Variants in SCARA3 observed in about 807,000 individuals in gnomAD.
SCARA3 encodes the protein cellular stress response gene protein.
Under a neutral mutation model 47.0 loss-of-function variants are expected in SCARA3, and 39 were observed. The observed-to-expected ratio is 0.83, with a 90% confidence interval of 0.64 to 1.08. The LOEUF (loss-of-function observed/expected upper bound fraction) is 1.08, where lower values mean the gene tolerates loss of function less well. Among genes scored for constraint, SCARA3 ranks in the 50% least tolerant of loss-of-function variants. SCARA3 has a pLI of 0.00. For missense variants in SCARA3, 724 were observed against 792.3 expected (o/e 0.91, Z 1.04); for synonymous variants, 356 against 334.1 (o/e 1.07, Z -0.71).
chr8:27,673,787 G>GT (rs1802219055), downstream of SCARA3, among the ~76,000 whole-genome samples: 1 of 152,304 alleles, frequency 6.6e-6, no homozygotes, highest in South Asian at 2.1e-4. Context: ...CTGGGCCACA[G>GT]TGGGTGTGCT....
the SCARA3 span, among the ~76,000 whole-genome samples, chr8:27,705,214 G>A: frequency 6.6e-6 from 1 of 152,202 alleles, no homozygotes; most frequent in Non-Finnish European, 1.5e-5. Context: ...AGGAGAAAGA[G>A]GGGCAGGTCG....
At chr8:27,661,952 A>G (rs1445517761) in intron 5 of SCARA3, among the ~76,000 whole-genome samples, 1 of 152,162 alleles carries the variant, frequency 6.6e-6, no homozygotes, top group African/African-American at 2.4e-5. Flanking sequence ...TCCCCTTGGC[A>G]GTCAGGATCA....
chr8:27,638,028 G>A (rs1207414663), intron 1 of SCARA3, among the ~76,000 whole-genome samples: 2 of 152,202 alleles, frequency 1.3e-5, no homozygotes, highest in South Asian at 2.1e-4. Flanking sequence ...GTTGGAGTTC[G>A]GCTCCAAATC....
downstream of SCARA3, among the ~76,000 whole-genome samples, chr8:27,674,523 G>T (rs947780198): frequency 1.3e-5 from 2 of 152,080 alleles, no homozygotes; most frequent in African/African-American, 2.4e-5. Flanking sequence ...CTAACCAAGT[G>T]CTCCTTCTCC....
At chr8:27,666,716 T>C (rs1802022203) in intron 5 of SCARA3, among the ~76,000 whole-genome samples, 1 of 152,180 alleles carries the variant, frequency 6.6e-6, no homozygotes, top group Admixed American at 6.5e-5. Flanking sequence ...GCCAGTTGCC[T>C]TTGACCATAA....
At chr8:27,656,322 G>A (rs748504086) in intron 3 of SCARA3, among the ~76,000 whole-genome samples, 3 of 152,052 alleles carry the variant, frequency 2.0e-5, no homozygotes, top group Non-Finnish European at 4.4e-5. Flanking sequence ...CATATTTAGG[G>A]TTCCATACAC....
chr8:27,660,842 CTAGATAGATAGATAGATAGA>C (rs113873031), intron 5 of SCARA3, among the ~76,000 whole-genome samples: 1 of 113,770 alleles, frequency 8.8e-6, no homozygotes, highest in Non-Finnish European at 2.0e-5. Flanking sequence ...AGCTAGCTAG[CTAGATAGATAGATAGATAGA>C]TAGATAGATA....
intron 3 of SCARA3, among the ~76,000 whole-genome samples, chr8:27,656,186 A>G (rs769025839): frequency 3.9e-5 from 6 of 152,254 alleles, no homozygotes; most frequent in African/African-American, 2.4e-5. Context: ...CCATATTTAC[A>G]TAACTTTTAT....
intron 1 of SCARA3, among the ~76,000 whole-genome samples, chr8:27,643,695 C>T (rs561977568): frequency 9.0e-4 from 137 of 152,226 alleles, no homozygotes; most frequent in African/African-American, 2.9e-3. Flanking sequence ...TTATTTTTAC[C>T]GATCCAATTG....
chr8:27,673,283 T>C (rs1802209799), downstream of SCARA3, among the ~76,000 whole-genome samples: 3 of 152,242 alleles, frequency 2.0e-5, no homozygotes, highest in African/African-American at 4.8e-5. Context: ...GCTCTTTGGC[T>C]AAAACAAGAT....
At chr8:27,682,045 A>G in the SCARA3 span, among the ~76,000 whole-genome samples, 1 of 152,204 alleles carries the variant, frequency 6.6e-6, no homozygotes, top group Non-Finnish European at 1.5e-5. Context: ...GTTACTATAA[A>G]GATATTATAA....
At chr8:27,701,478 G>T in the SCARA3 span, 1 of 152,026 alleles carries the variant, frequency 6.6e-6, no homozygotes, top group Non-Finnish European at 1.5e-5. Flanking sequence ...ATTGAACACA[G>T]GTGTCATCAT....
chr8:27,671,836 T>C lies in SCARA3; in HGVS notation c.*485T>C. On this transcript the variant is annotated 3_prime_UTR_variant, in exon 6 of 6. Transcript: ENST00000301904. ...ATATATACACATGCACATACACAGA[T>C]TTTTCTGCTGGCCAGGTGGGCCAAC... 1 of 985,558 alleles carries C rather than the reference T, an allele frequency of 1.0e-6. No individual in the cohort carries two copies. The highest frequency in any genetic ancestry group is 1.2e-6 in the Non-Finnish European group (1 of 830,116). 61.1% of individuals were successfully genotyped at this position (985,558 alleles called of 1,614,324 possible).
the SCARA3 span, among the ~76,000 whole-genome samples, chr8:27,731,097 TTTTC>T: frequency 2.7e-5 from 4 of 148,970 alleles, no homozygotes; most frequent in Non-Finnish European, 5.9e-5. Flanking sequence ...TTTATCTTTT[TTTTC>T]TTTTTTTTTT....
chr8:27,649,806 G>A lies in SCARA3; in HGVS notation c.106+6G>A, dbSNP rs1420714490. 1 of 1,610,528 alleles carries A rather than the reference G, an allele frequency of 6.2e-7. No individual in the cohort carries two copies. The highest frequency in any genetic ancestry group is 8.5e-7 in the Non-Finnish European group (1 of 1,177,188). ...CTTCCCATGCACCCAGAAGGGTAAG[G>A]ACTCTGGGGCTGCCCCTGATCTCCG... On this transcript the variant is annotated splice_donor_region_variant and intron_variant, in intron 2 of 5. Coordinates refer to ENST00000301904, the MANE Select transcript of SCARA3 (RefSeq NM_016240.3).
rs757957950 is a variant in SCARA3 at position 27,649,772 on chromosome 8, C to T, written c.78C>T (p.Asp26=). ...AGGACCTGGCGGGTGACGACGAGGACATGCCGACCTTCCCATGCACCCAGA... is the reference window on the plus strand; with the variant it reads ...AGGACCTGGCGGGTGACGACGAGGATATGCCGACCTTCCCATGCACCCAGA... The part of the protein sequence containing the change: ...TEEDLAGDDE[D]MPTFPCTQKG... Residue 26 remains aspartate, a synonymous_variant, in exon 2 of 6, where the codon GAC becomes GAT. Transcript: ENST00000301904. 3 of 1,614,132 alleles carry T rather than the reference C, an allele frequency of 1.9e-6. No homozygotes were observed. Among genetic ancestry groups the T allele is most frequent in the Non-Finnish European group, 2.5e-6 (3 of 1,180,004 alleles).
the SCARA3 span, among the ~76,000 whole-genome samples, chr8:27,694,822 A>T: frequency 2.0e-5 from 3 of 152,150 alleles, no homozygotes; most frequent in Non-Finnish European, 2.9e-5. Flanking sequence ...CTACTAGGAG[A>T]TGACCCCTTG....
chr8:27,642,956 T>TG (rs895343389), intron 1 of SCARA3, among the ~76,000 whole-genome samples: 1 of 151,504 alleles, frequency 6.6e-6, no homozygotes, highest in Non-Finnish European at 1.5e-5. Flanking sequence ...GTGTAAGTAA[T>TG]GGGGGGAGTC....
At chr8:27,659,585 G>T (rs762919270) in intron 5 of SCARA3, 46 bp downstream of exon 5, 12 of 1,504,378 alleles carry the variant, frequency 8.0e-6, no homozygotes, top group African/African-American at 1.4e-5. Context: ...TTCCACTGAG[G>T]CTTGGTGATC....
Sources: gnomAD v4.1 joint callset for allele counts (sites outside exome capture counted in the v4.1 genomes callset) on GRCh38, gnomAD v4.1.1 for gene constraint, MANE v1.5 for transcripts, NCBI Gene and HGNC (gene_info 2026-07-23, HGNC 2026-07-21) for gene names.